Variants in PDE4D observed in about 807,000 individuals in gnomAD.
PDE4D encodes the protein 3',5'-cyclic-AMP phosphodiesterase 4D.
PDE4D carries 24 observed loss-of-function variants against 87.4 expected under a neutral mutation model. The observed-to-expected ratio is 0.27, with a 90% CI of 0.20 to 0.39. PDE4D has a LOEUF of 0.39. Ranked by LOEUF, PDE4D falls within the 10% of genes least tolerant of loss-of-function variation. The pLI, the probability that PDE4D is intolerant of heterozygous loss-of-function variation, is 1.00. For missense variants in PDE4D, 714 were observed against 1,041.0 expected, an observed-to-expected ratio of 0.69 and a Z score of 4.32; for synonymous variants, 384 against 383.2, an observed-to-expected ratio of 1.00 and a Z score of -0.02.
chr5:59,075,124 A>AC (rs1765480708), intron 5 of PDE4D, among the ~76,000 whole-genome samples: 1 of 141,486 alleles, frequency 7.1e-6, no homozygotes. Context: ...ACACACACAC[A>AC]ATTTCTTAAT....
At chr5:60,077,080 G>A (rs1456451064) in intron 2 of PDE4D, among the ~76,000 whole-genome samples, 1 of 152,206 alleles carries the variant, frequency 6.6e-6, no homozygotes, top group South Asian at 2.1e-4. Flanking sequence ...AGGCAGGGGT[G>A]ACTCTGCTGT....
At chr5:60,514,937 A>C (rs1331549438) in intron 1 of PDE4D, among the ~76,000 whole-genome samples, 1 of 152,166 alleles carries the variant, frequency 6.6e-6, no homozygotes. Context: ...GTTATTGAAA[A>C]GAATCTATAG....
At chr5:60,290,260 T>C (rs1752774142) in intron 1 of PDE4D, among the ~76,000 whole-genome samples, 1 of 151,934 alleles carries the variant, frequency 6.6e-6, no homozygotes, top group African/African-American at 2.4e-5. Context: ...CACAAAGCAC[T>C]AAAGGAGGAA....
chr5:60,481,169 G>A lies in PDE4D; in HGVS notation c.-90+6773C>T, dbSNP rs1334139088. Among the ~76,000 whole-genome samples the A allele has an allele frequency of 2.6e-5, 4 of 152,166 alleles. No individual in the cohort carries two copies. The East Asian group carries it at 7.7e-4, about 29-fold the overall frequency. On this transcript the variant is annotated intron_variant, in intron 1 of 16. Coordinates refer to the PDE4D transcript ENST00000502484. ...AAATAATTTGGTTGTTAAAATAGCT[G>A]AGTTTATTATTGGCTTAACACCCAA...
intron 1 of PDE4D, among the ~76,000 whole-genome samples, chr5:59,676,401 A>T (rs1748086645): frequency 6.6e-6 from 1 of 152,166 alleles, no homozygotes; most frequent in Admixed American, 6.5e-5. Context: ...CAGTCAATAG[A>T]TATTTATTAA....
At chr5:59,779,390 C>A (rs1764388922) in intron 1 of PDE4D, among the ~76,000 whole-genome samples, 3 of 152,198 alleles carry the variant, frequency 2.0e-5, no homozygotes. Context: ...CTCCATTACA[C>A]TGGCCACCAT....
At chr5:59,726,275 T>C (rs1756577360) in intron 1 of PDE4D, among the ~76,000 whole-genome samples, 1 of 152,124 alleles carries the variant, frequency 6.6e-6, no homozygotes, top group Non-Finnish European at 1.5e-5. Flanking sequence ...TCTACATAAA[T>C]CATAGCTTCA....
At chr5:59,160,426 C>T (rs980026733) in intron 5 of PDE4D, among the ~76,000 whole-genome samples, 5 of 151,956 alleles carry the variant, frequency 3.3e-5, no homozygotes, top group African/African-American at 9.7e-5. Flanking sequence ...GCTTGAATAT[C>T]GCTGTTGTCT....
chr5:60,514,704 T>C lies in PDE4D; in HGVS notation n.70+7347A>G, dbSNP rs113233119. Among the ~76,000 whole-genome samples the C allele has an allele frequency of 1.3e-3, 196 of 151,126 alleles. 3 individuals are homozygous for C. Among genetic ancestry groups the C allele is most frequent in the African/African-American group, 4.8e-3 (193 of 40,596 alleles). ...CTCTTTAAATGTAATAAAAGGTGTT[T>C]ACAAAAAAAATTGTTAACACCACAA... On this transcript the variant is annotated intron_variant and non_coding_transcript_variant, in intron 1 of 2. Transcript: ENST00000506510.
intron 1 of PDE4D, among the ~76,000 whole-genome samples, chr5:59,874,916 G>C (rs753747981): frequency 2.0e-5 from 3 of 152,096 alleles, no homozygotes; most frequent in African/African-American, 4.8e-5. Flanking sequence ...AAATTCTGTG[G>C]GGCAGAGGTC....
chr5:60,422,106 T>C (rs1264564851), intron 1 of PDE4D, among the ~76,000 whole-genome samples: 3 of 152,150 alleles, frequency 2.0e-5, no homozygotes, highest in East Asian at 3.9e-4. Context: ...TGGAACCAAG[T>C]TGGAAAACAC....
At chr5:59,161,784 A>G (rs1372485332) in intron 5 of PDE4D, among the ~76,000 whole-genome samples, 1 of 152,172 alleles carries the variant, frequency 6.6e-6, no homozygotes, top group Non-Finnish European at 1.5e-5. Flanking sequence ...TTTACTTAAG[A>G]ACTATTTTCC....
chr5:59,363,714 A>G (rs1217612701), intron 1 of PDE4D, among the ~76,000 whole-genome samples: 1 of 152,228 alleles, frequency 6.6e-6, no homozygotes. Flanking sequence ...CAGACATGTG[A>G]GTCCAAGTCA....
chr5:60,308,015 TG>T (rs953676520), intron 1 of PDE4D, among the ~76,000 whole-genome samples: 6 of 152,170 alleles, frequency 3.9e-5, no homozygotes, highest in African/African-American at 1.4e-4. Context: ...CTCTCCAGCC[TG>T]GGCAACAAGA....
At chr5:60,473,124 AAAGGAAGGAAGGAAGGAAGGAAGG>A (rs562842272) in intron 1 of PDE4D, among the ~76,000 whole-genome samples, 113 of 81,422 alleles carry the variant, frequency 1.4e-3, no homozygotes, top group African/African-American at 5.3e-3. Context: ...AGAGAGAAAG[AAAGGAAGGAAGGAAGGAAGGAAGG>A]AAGGAAGGAA....
chr5:60,480,133 G>A (rs921088002), intron 1 of PDE4D, among the ~76,000 whole-genome samples: 45 of 152,006 alleles, frequency 3.0e-4, no homozygotes, highest in African/African-American at 1.0e-3. Flanking sequence ...ACCTCAATCA[G>A]TATCACCAAA....
intron 1 of PDE4D, among the ~76,000 whole-genome samples, chr5:60,198,523 A>G (rs1232921147): frequency 2.0e-5 from 3 of 151,632 alleles, no homozygotes; most frequent in Non-Finnish European, 3.0e-5. Context: ...ATCAAGATAA[A>G]TGTAGATACT....
rs540947275 is a variant in PDE4D at position 59,989,752 on chromosome 5, C to T, written c.43-1035G>A. On this transcript the variant is annotated intron_variant, in intron 2 of 16. Coordinates refer to the PDE4D transcript ENST00000502484. Reference sequence around the variant, plus strand: ...ATGAGCAATAATTATTTCCAAATGGCTGGAAAGTCTACTCTAGCAATATTT... The same window carrying T: ...ATGAGCAATAATTATTTCCAAATGGTTGGAAAGTCTACTCTAGCAATATTT... Among the ~76,000 whole-genome samples, 6 of 152,066 alleles carry T rather than the reference C, an allele frequency of 3.9e-5. 1 individual carries two copies. The South Asian group carries it at 1.2e-3, about 32-fold the overall frequency.
intron 1 of PDE4D, among the ~76,000 whole-genome samples, chr5:59,221,334 C>A (rs1228690057): frequency 1.3e-5 from 2 of 152,174 alleles, no homozygotes; most frequent in Non-Finnish European, 2.9e-5. Context: ...AATTCTGAGA[C>A]TAAATTTTCG....
Sources: allele counts gnomAD v4.1 joint callset (sites outside exome capture counted in the v4.1 genomes callset), GRCh38; gene constraint gnomAD v4.1.1; transcripts MANE v1.5; gene names NCBI Gene and HGNC (gene_info 2026-07-23, HGNC 2026-07-21).